Variants in HMCN2 observed in about 807,000 individuals in gnomAD.
HMCN2 encodes the protein hemicentin 2, also known as hemicentin-2.
HMCN2 carries 325 observed loss-of-function variants against 377.5 expected under a neutral mutation model. The observed-to-expected ratio is 0.86, with a 90% CI of 0.79 to 0.94. HMCN2 has a LOEUF of 0.94. Among genes scored for constraint, HMCN2 ranks in the 40% least tolerant of loss-of-function variants. The pLI is 0.00. For missense variants in HMCN2, 4,543 were observed against 4,725.3 expected (o/e 0.96, Z 1.13); for synonymous variants, 2,007 against 2,046.8 (o/e 0.98, Z 0.53).
intron 41 of HMCN2, 36 bp from the exon 42 acceptor site, chr9:130,365,595 C>T (rs908579304): frequency 1.7e-5 from 16 of 934,132 alleles, no homozygotes; most frequent in Non-Finnish European, 1.8e-5. Flanking sequence ...CATCTCTGTG[C>T]GTCCCCTCCC....
At chr9:130,398,302 T>C (rs1842707874) in intron 74 of HMCN2, among the ~76,000 whole-genome samples, 1 of 151,830 alleles carries the variant, frequency 6.6e-6, no homozygotes. Context: ...TGGGGGCTGA[T>C]GGGAGTGGAG....
At chr9:130,301,069 G>C (rs1564762927) in intron 8 of HMCN2, among the ~76,000 whole-genome samples, 1 of 152,256 alleles carries the variant, frequency 6.6e-6, no homozygotes, top group East Asian at 1.9e-4. Flanking sequence ...GGGAGGGGAA[G>C]AAGGGCCAGC....
At chr9:130,371,867 A>G (rs1270220362) in intron 46 of HMCN2, among the ~76,000 whole-genome samples, 2 of 152,146 alleles carry the variant, frequency 1.3e-5, no homozygotes, top group Non-Finnish European at 2.9e-5. Context: ...CCACACACTG[A>G]TCTTGGGAGA....
rs1169069504 is a variant in HMCN2, at chr9:130,354,991, T to C, written c.5093T>C (p.Val1698Ala). ...GEASSGLYSC[V>A]ASSPAGEAVL... is the part of the protein sequence containing the mutation. The stretch of plus-strand genomic sequence containing the variant: ...GCATCCAGTGGCCTGTACAGCTGTG[T>C]GGCCAGCAGTCCTGCCGGGGAAGCC... Residue 1698 changes from valine (V) to alanine (A), a missense_variant, in exon 32 of 98, where the codon GTG (valine) becomes GCG (alanine). Coordinates refer to ENST00000683500, the MANE Select transcript of HMCN2 (RefSeq NM_001291815.2). 6.9e-6 allele frequency: 9 copies of C among 1,297,498 alleles called. No homozygotes were observed. Among genetic ancestry groups the C allele is most frequent in the Admixed American group, 2.3e-5 (1 of 43,560 alleles). The allele number at this position is 1,297,498 out of a possible 1,614,324, so 80.4% of individuals were successfully genotyped here.
intron 15 of HMCN2, among the ~76,000 whole-genome samples, chr9:130,315,195 TCCCCTCCC>T (rs1837475045): frequency 7.3e-4 from 2 of 2,740 alleles, no homozygotes; most frequent in Non-Finnish European, 1.5e-3. Flanking sequence ...CCTCCCTCCC[TCCCCTCCC>T]TCCCCTCCCC....
At chr9:130,390,473 A>G (rs1449287231) in intron 62 of HMCN2, among the ~76,000 whole-genome samples, 1 of 152,232 alleles carries the variant, frequency 6.6e-6, no homozygotes, top group Admixed American at 6.5e-5. Flanking sequence ...GGATCTGGGC[A>G]AGGAGATCGT....
At position 130,353,011 on chromosome 9, in the gene HMCN2, G is replaced by C. The variant is rs538500266; in HGVS notation, c.4670G>C (p.Arg1557Pro). The change falls in exon 31 of 98, where the codon CGA (arginine) becomes CCA (proline). Residue 1557 changes from arginine to proline, a missense_variant. Physicochemically the swap from Arg to Pro is moderately radical, Grantham distance 103. Around this residue, in one of 5 missense-constraint regions of HMCN2, gnomAD observed 1,032 missense variants for 1,285.1 expected, o/e 0.80. Coordinates refer to ENST00000683500, the MANE Select transcript of HMCN2 (RefSeq NM_001291815.2). Reference sequence around the variant, plus strand: ...CTAGTGCAGCTCCTGTGTGAGGCTCGAGGAGTGCCCACCCCAAACATCACC... The same window carrying C: ...CTAGTGCAGCTCCTGTGTGAGGCTCCAGGAGTGCCCACCCCAAACATCACC... ...DHLVQLLCEA[R>P]GVPTPNITWF... 1 of 1,304,148 alleles carries C rather than the reference G, an allele frequency of 7.7e-7. No homozygotes were observed. Among genetic ancestry groups the C allele is most frequent in the Non-Finnish European group, 1.0e-6 (1 of 988,898 alleles). The allele number at this position is 1,304,148 out of a possible 1,614,324, so 80.8% of individuals were successfully genotyped here.
At chr9:130,293,342 C>T (rs1260103634) in intron 4 of HMCN2, among the ~76,000 whole-genome samples, 2 of 116,784 alleles carry the variant, frequency 1.7e-5, no homozygotes, top group Non-Finnish European at 3.2e-5. Flanking sequence ...ATAGTTGAAC[C>T]GCCGGGTTTG....
Position 130,266,004 on chromosome 9 carries a change from C to T in HMCN2, c.126C>T (p.Val42=), listed in dbSNP as rs1834072570. 2 of 470,326 alleles carry T rather than the reference C, an allele frequency of 4.3e-6. No individual in the cohort carries two copies. Among genetic ancestry groups the T allele is most frequent in the African/African-American group, 4.0e-5 (2 of 49,994 alleles). 29.1% of individuals were successfully genotyped at this position (470,326 alleles called of 1,614,324 possible). The change falls in exon 1 of 98, where the codon GTC becomes GTT. Residue 42 remains valine, a synonymous_variant. Transcript: ENST00000683500. ...PTTGDATLAF[V]FDVTGSMWDE... is the part of the protein sequence containing the mutation. The stretch of plus-strand genomic sequence containing the variant: ...CGGGGGACGCCACCCTGGCCTTCGT[C>T]TTCGACGTCACCGGCTCCATGTGGG...
At position 130,377,916 on chromosome 9, in the gene HMCN2, T is replaced by G. The variant is rs148756670; in HGVS notation, c.8212+117T>G. On this transcript the variant is annotated intron_variant, in intron 53 of 97. Coordinates refer to ENST00000683500, the MANE Select transcript of HMCN2 (RefSeq NM_001291815.2). ...CAGCTCACGCGCCACCCGTGGCATC[T>G]CCCACTGGCTCATCTCAGCAGCCCA... 581 of 778,654 alleles carry G rather than the reference T, an allele frequency of 7.5e-4. 5 individuals carry two copies. In the African/African-American group the frequency reaches 9.8e-3, roughly 13 times the overall value. The allele number at this position is 778,654 out of a possible 1,614,324, so 48.2% of individuals were successfully genotyped here. A position where few individuals can be genotyped will look rare whatever the true frequency, so the allele number is the denominator to read the frequency against.
chr9:130,373,258 C>T (rs546799947), intron 48 of HMCN2, 134 bp downstream of exon 48: 66 of 160,308 alleles, frequency 4.1e-4, no homozygotes, highest in Admixed American at 1.6e-3. Flanking sequence ...ATCTTGGACT[C>T]GGCACCAGGT....
Position 130,394,953 on chromosome 9 carries a change from C to T in HMCN2, c.10693-74C>T. On this transcript the variant is annotated intron_variant, in intron 69 of 97. Transcript: ENST00000683500. The surrounding 1 kb of genome is among the most constrained non-coding windows in gnomAD (Gnocchi z 5.1). ...AGTTTGAATCCTGGGTCCCTCGATG[C>T]ATGAGAAAGAAACCAGATTGGGAGG... The T allele has an allele frequency of 9.9e-7, 1 of 1,006,024 alleles. No homozygotes were observed. Among genetic ancestry groups the T allele is most frequent in the Non-Finnish European group, 1.3e-6 (1 of 752,084 alleles). 62.3% of individuals were successfully genotyped at this position (1,006,024 alleles called of 1,614,324 possible). A position where few individuals can be genotyped will look rare whatever the true frequency, so the allele number is the denominator to read the frequency against.
At position 130,276,557 on chromosome 9, in the gene HMCN2, G is replaced by T. The variant is rs563976268; in HGVS notation, c.260-8046G>T. On this transcript the variant is annotated intron_variant, in intron 1 of 97. Coordinates refer to ENST00000683500, the MANE Select transcript of HMCN2 (RefSeq NM_001291815.2). Reference sequence around the variant, plus strand: ...CTGGGCTCCATCACTGGGTGTTCAGGGAGAGGCCCTGGGGAGGAGGCCCCG... The same window carrying T: ...CTGGGCTCCATCACTGGGTGTTCAGTGAGAGGCCCTGGGGAGGAGGCCCCG... Among the ~76,000 whole-genome samples the T allele has an allele frequency of 9.2e-5, 14 of 152,326 alleles. No individual in the cohort carries two copies. In the South Asian group the frequency reaches 2.7e-3, roughly 29 times the overall value.
In HMCN2 at chr9:130,270,306, TCC is replaced by T. The variant is rs371084192; in HGVS notation, c.259+4171_259+4172del. Among the ~76,000 whole-genome samples, 208 of 90,506 alleles carry T rather than the reference TCC, an allele frequency of 2.3e-3. 12 individuals are homozygous for T. The highest frequency in any genetic ancestry group is 6.5e-3 in the East Asian group (4 of 612). 59.4% of individuals were successfully genotyped at this position (90,506 alleles called of 152,430 possible). A position where few individuals can be genotyped will look rare whatever the true frequency, so the allele number is the denominator to read the frequency against. On this transcript the variant is annotated intron_variant, in intron 1 of 97. Transcript: ENST00000683500. ...TTGTTTGTTTGTTTGTTTTTTTTTT[TCC>T]CTATCACAAAACCAGTTAGGCAGAT... is the stretch of plus-strand genomic sequence containing the variant.
intron 85 of HMCN2, among the ~76,000 whole-genome samples, chr9:130,412,630 G>T (rs541600867): frequency 7.4e-5 from 11 of 147,780 alleles, no homozygotes; most frequent in African/African-American, 2.7e-4. Flanking sequence ...AGGCTGGAGT[G>T]CAGTGGCAAG....
intron 1 of HMCN2, among the ~76,000 whole-genome samples, chr9:130,266,774 CCTT>C (rs1331208900): frequency 3.5e-4 from 53 of 152,236 alleles, no homozygotes; most frequent in African/African-American, 1.2e-3. Context: ...CGCCCTAACT[CCTT>C]CTTCCCTGCA....
rs1006808108 is a variant in HMCN2 at position 130,348,597 on chromosome 9, C to T, written c.4077C>T (p.Ala1359=). The stretch of plus-strand genomic sequence containing the variant: ...GCAAGGCCAACGTGTCGGGTATGGC[C>T]GGGCAGTCCCTGACGCTGGAGTGTG... ...DGRKANVSGM[A]GQSLTLECDA... The change falls in exon 27 of 98, where the codon GCC becomes GCT. Residue 1359 remains alanine, a synonymous_variant. Transcript: ENST00000683500. The T allele has an allele frequency of 2.8e-5, 36 of 1,301,890 alleles. No individual in the cohort carries two copies. Among genetic ancestry groups the T allele is most frequent in the African/African-American group, 2.3e-4 (15 of 65,502 alleles). 80.6% of individuals were successfully genotyped at this position (1,301,890 alleles called of 1,614,324 possible). A position where few individuals can be genotyped will look rare whatever the true frequency, so the allele number is the denominator to read the frequency against.
At position 130,360,487 on chromosome 9, in the gene HMCN2, G is replaced by C; in HGVS notation, c.5833G>C (p.Val1945Leu). 7.7e-7 allele frequency: 1 copy of C among 1,304,082 alleles called. No homozygotes were observed. The highest frequency in any genetic ancestry group is 1.0e-6 in the Non-Finnish European group (1 of 988,904). 80.8% of individuals were successfully genotyped at this position (1,304,082 alleles called of 1,614,324 possible). A position where few individuals can be genotyped will look rare whatever the true frequency, so the allele number is the denominator to read the frequency against. ...VSSWMGVTVS[V>L]DGRVLRIEQA... ...TTCATGGATGGGAGTGACAGTATCA[G>C]TGGATGGGAGAGTTCTCCGCATTGA... The change falls in exon 38 of 98, where the codon GTG (valine) becomes CTG (leucine). Residue 1945 changes from valine (V) to leucine (L), a missense_variant. Around this residue, in one of 5 missense-constraint regions of HMCN2, gnomAD observed 1,032 missense variants for 1,285.1 expected, o/e 0.80. Transcript: ENST00000683500. The surrounding 1 kb of genome is among the most constrained non-coding windows in gnomAD (Gnocchi z 4.7).
chr9:130,377,045 C>T (rs377273744), intron 52 of HMCN2, among the ~76,000 whole-genome samples: 9 of 152,258 alleles, frequency 5.9e-5, no homozygotes, highest in South Asian at 4.1e-4. Context: ...GTCATCTGCC[C>T]GCCTTGGCCT....
Sources: allele counts gnomAD v4.1 joint callset (sites outside exome capture counted in the v4.1 genomes callset), GRCh38; gene constraint gnomAD v4.1.1; regional missense constraint gnomAD v4.1.1; non-coding constraint Gnocchi (gnomAD v3.1); transcripts MANE v1.5; gene names NCBI Gene and HGNC (gene_info 2026-07-23, HGNC 2026-07-21).